The following EXOC2 variants were observed in gnomAD, a reference collection of about 807,000 sequenced individuals.
EXOC2 encodes exocyst complex component 2.
In EXOC2, 70 loss-of-function variants were observed where a neutral mutation model predicts 131.8. The ratio of observed to expected loss-of-function variants is 0.53; its 90% confidence interval spans 0.44 to 0.65. The LOEUF (loss-of-function observed/expected upper bound fraction) is 0.65. Among genes scored for constraint, EXOC2 ranks in the 30% least tolerant of loss-of-function variants. The probability of loss-of-function intolerance (pLI) is 0.00; values close to 1 mark genes in which losing one functional copy is unlikely to be tolerated. For synonymous variants in EXOC2, 411 were observed against 398.4 expected (o/e 1.03, Z -0.38); for missense variants, 923 against 1,108.6 (o/e 0.83, Z 2.38).
chr6:494,844 G>A (rs1763623124), intron 25 of EXOC2, among the ~76,000 whole-genome samples: 2 of 151,980 alleles, frequency 1.3e-5, no homozygotes, highest in Non-Finnish European at 2.9e-5. Flanking sequence ...TGGACACCTG[G>A]GTTTTCAGTT....
chr6:486,819 G>A (rs542869944), intron 27 of EXOC2, 55 bp from the exon 28 acceptor site: 9 of 1,412,344 alleles, frequency 6.4e-6, no homozygotes, highest in East Asian at 2.3e-5. Flanking sequence ...GCCTAGCAAC[G>A]CAAGAAAACA....
intron 22 of EXOC2, among the ~76,000 whole-genome samples, chr6:548,037 ATTG>A (rs1756953371): frequency 6.6e-6 from 1 of 152,200 alleles, no homozygotes; most frequent in African/African-American, 2.4e-5. Context: ...TATTCATGTC[ATTG>A]TTGTTATATA....
At chr6:562,962 CGAT>C (rs778813747) in intron 16 of EXOC2, 117 bp from the exon 17 acceptor site, 1 of 602,486 alleles carries the variant, frequency 1.7e-6, no homozygotes, top group East Asian at 3.3e-5. Flanking sequence ...TGTAAAAACT[CGAT>C]GAAAGTAGGC....
rs1157914963 is a variant in EXOC2, at chr6:486,782, T to C, written c.2682-18A>G. Reference sequence around the variant, plus strand: ...CCAGTAACCTGCAGGACGGAGACACTTGTTTTACAGCCCGACAGATGGGGC... The same window carrying C: ...CCAGTAACCTGCAGGACGGAGACACCTGTTTTACAGCCCGACAGATGGGGC... On this transcript the variant is annotated intron_variant, in intron 27 of 27. Transcript: ENST00000230449. 1.9e-6 allele frequency: 3 copies of C among 1,605,996 alleles called. No individual in the cohort carries two copies. The highest frequency in any genetic ancestry group is 1.7e-5 in the Admixed American group (1 of 59,842).
At chr6:650,089 T>C (rs370405972) in intron 1 of EXOC2, among the ~76,000 whole-genome samples, 66 of 152,240 alleles carry the variant, frequency 4.3e-4, no homozygotes, top group African/African-American at 1.5e-3. Flanking sequence ...CTCCAAAAGG[T>C]TTGAGATTTT....
intron 19 of EXOC2, among the ~76,000 whole-genome samples, chr6:555,729 A>C (rs1363421030): frequency 2.0e-5 from 3 of 152,260 alleles, no homozygotes; most frequent in Admixed American, 6.5e-5. Context: ...AACACAAAAA[A>C]GGGGAGCATA....
At chr6:589,556 C>T (rs1759417977) in intron 11 of EXOC2, among the ~76,000 whole-genome samples, 1 of 152,246 alleles carries the variant, frequency 6.6e-6, no homozygotes, top group Non-Finnish European at 1.5e-5. Context: ...CCCACTACCT[C>T]ACACTTTTCA....
intron 1 of EXOC2, among the ~76,000 whole-genome samples, chr6:655,719 G>T (rs575468791): frequency 3.2e-4 from 49 of 152,074 alleles, no homozygotes; most frequent in Non-Finnish European, 6.0e-4. Flanking sequence ...AATGCCCTCG[G>T]AAAACATTCA....
rs1293743468 is a variant in EXOC2 at position 675,772 on chromosome 6, C to A, written c.-44+17247G>T. Among the ~76,000 whole-genome samples, 5 of 96,512 alleles carry A rather than the reference C, an allele frequency of 5.2e-5. 2 individuals carry two copies. Among genetic ancestry groups the A allele is most frequent in the Non-Finnish European group, 1.1e-4 (5 of 43,752 alleles). 63.3% of individuals were successfully genotyped at this position (96,512 alleles called of 152,430 possible). A position where few individuals can be genotyped will look rare whatever the true frequency, so the allele number is the denominator to read the frequency against. ...CCTCTGGAGACTGCGGTTTCCCATA[C>A]TCTTCAACATTACAGAAAGGATAGG... On this transcript the variant is annotated intron_variant, in intron 1 of 27. Coordinates refer to ENST00000230449, the MANE Select transcript of EXOC2 (RefSeq NM_018303.6).
At position 542,949 on chromosome 6, in the gene EXOC2, GGAGGAAGAACAA is replaced by G. The variant is rs575429890; in HGVS notation, c.2238+6214_2238+6225del. 1.6e-4 allele frequency among the ~76,000 whole-genome samples: 24 copies of G among 152,336 alleles called. No individual in the cohort carries two copies. The Middle Eastern group carries it at 0.014, about 86-fold the overall frequency. ...CAGTACGGAGTCCTGAAACACAGGAGGAGGAAGAACAAGAGGAGCTCTGGGTTTTTGAAAGCC... is the reference window on the plus strand; with the variant it reads ...CAGTACGGAGTCCTGAAACACAGGAGGAGGAGCTCTGGGTTTTTGAAAGCC... On this transcript the variant is annotated intron_variant, in intron 22 of 27. Coordinates refer to ENST00000230449, the MANE Select transcript of EXOC2 (RefSeq NM_018303.6).
At chr6:604,041 T>C (rs911544905) in intron 7 of EXOC2, among the ~76,000 whole-genome samples, 1 of 152,228 alleles carries the variant, frequency 6.6e-6, no homozygotes, top group African/African-American at 2.4e-5. Context: ...AGACAGGCAC[T>C]GTTTTTACCC....
chr6:612,083 G>C (rs947242410), intron 6 of EXOC2, among the ~76,000 whole-genome samples: 1 of 152,166 alleles, frequency 6.6e-6, no homozygotes, highest in African/African-American at 2.4e-5. Flanking sequence ...TCCAGTGTTG[G>C]GCACAGAAGT....
At chr6:639,178 C>A (rs368018876) in intron 1 of EXOC2, among the ~76,000 whole-genome samples, 1 of 152,168 alleles carries the variant, frequency 6.6e-6, no homozygotes, top group Admixed American at 6.5e-5. Flanking sequence ...CCCAGCACAG[C>A]AGAGGTGTGG....
intron 22 of EXOC2, among the ~76,000 whole-genome samples, chr6:543,533 T>G (rs1027100297): frequency 4.6e-5 from 7 of 152,268 alleles, no homozygotes; most frequent in African/African-American, 1.7e-4. Flanking sequence ...AATAATGTAT[T>G]GTGTATTTCA....
chr6:664,452 T>C (rs1193395268), intron 1 of EXOC2, among the ~76,000 whole-genome samples: 2 of 152,126 alleles, frequency 1.3e-5, no homozygotes, highest in African/African-American at 2.4e-5. Context: ...AAAATTCATA[T>C]GAAACCAAAA....
chr6:604,034 C>T (rs553272135), intron 7 of EXOC2, among the ~76,000 whole-genome samples: 104 of 152,294 alleles, frequency 6.8e-4, no homozygotes, highest in African/African-American at 2.1e-3. Flanking sequence ...CGCTGTAAGA[C>T]AGGCACTGTT....
chr6:580,593 C>T (rs1758835538), intron 11 of EXOC2, among the ~76,000 whole-genome samples: 1 of 152,014 alleles, frequency 6.6e-6, no homozygotes, highest in Admixed American at 6.5e-5. Flanking sequence ...TGGGCCAATA[C>T]TACCAAATTG....
chr6:641,405 T>C (rs1255004214), intron 1 of EXOC2, among the ~76,000 whole-genome samples: 1 of 152,112 alleles, frequency 6.6e-6, no homozygotes, highest in Admixed American at 6.5e-5. Flanking sequence ...CGCCCTAGTA[T>C]AGGCCAAGAT....
chr6:507,577 G>A (rs1365100572), intron 23 of EXOC2, among the ~76,000 whole-genome samples: 1 of 152,126 alleles, frequency 6.6e-6, no homozygotes, highest in Non-Finnish European at 1.5e-5. Context: ...TGCTTGATGA[G>A]AATCATTCAT....
Sources: allele counts gnomAD v4.1 joint callset (sites outside exome capture counted in the v4.1 genomes callset), GRCh38; gene constraint gnomAD v4.1.1; transcripts MANE v1.5; gene names NCBI Gene and HGNC (gene_info 2026-07-23, HGNC 2026-07-21).